Variants in DGKB observed in about 807,000 individuals in gnomAD.
DGKB encodes the protein 90 kDa diacylglycerol kinase.
In DGKB, 67 loss-of-function variants were observed where a neutral mutation model predicts 114.3. That is an observed-to-expected ratio of 0.59 (90% CI 0.48 to 0.72). DGKB has a LOEUF of 0.72. DGKB is among the 30% of genes least tolerant of loss of function. The probability of loss-of-function intolerance (pLI) is 0.00; values close to 1 mark genes in which losing one functional copy is unlikely to be tolerated. For synonymous variants in DGKB, 398 were observed against 323.1 expected, an observed-to-expected ratio of 1.23 and a Z score of -2.49; for missense variants, 907 against 975.2, an observed-to-expected ratio of 0.93 and a Z score of 0.93.
At chr7:14,729,497 G>A (rs1830604940) in intron 5 of DGKB, among the ~76,000 whole-genome samples, 2 of 152,114 alleles carry the variant, frequency 1.3e-5, no homozygotes, top group South Asian at 2.1e-4. Context: ...AATACTGAAT[G>A]TCTTACAGTT....
intron 21 of DGKB, among the ~76,000 whole-genome samples, chr7:14,389,442 A>G (rs1401855987): frequency 2.0e-5 from 3 of 152,332 alleles, no homozygotes; most frequent in Non-Finnish European, 4.4e-5. Flanking sequence ...ATGAGATTAT[A>G]GTCCTGACAG....
chr7:14,909,471 T>C (rs1783875264), intron 1 of DGKB, among the ~76,000 whole-genome samples: 1 of 152,110 alleles, frequency 6.6e-6, no homozygotes, highest in Non-Finnish European at 1.5e-5. Flanking sequence ...TGTAGAGTGT[T>C]GTTAAGAAGC....
chr7:14,334,736 A>G (rs899320196), intron 23 of DGKB, among the ~76,000 whole-genome samples: 2 of 152,112 alleles, frequency 1.3e-5, no homozygotes, highest in African/African-American at 4.8e-5. Flanking sequence ...AGTCATTTGT[A>G]CATTAATGTG....
At chr7:14,660,065 G>C (rs928286776) in intron 13 of DGKB, among the ~76,000 whole-genome samples, 9 of 151,300 alleles carry the variant, frequency 5.9e-5, no homozygotes, top group African/African-American at 1.9e-4. Flanking sequence ...AACCAGCCTT[G>C]CATCCCAGGG....
intron 21 of DGKB, among the ~76,000 whole-genome samples, chr7:14,449,931 A>G (rs1224407126): frequency 6.6e-6 from 1 of 152,092 alleles, no homozygotes; most frequent in African/African-American, 2.4e-5. Flanking sequence ...TTAGTTCTTT[A>G]TGAACATATG....
intron 21 of DGKB, among the ~76,000 whole-genome samples, chr7:14,451,103 A>G (rs1460571381): frequency 1.3e-5 from 2 of 152,010 alleles, no homozygotes; most frequent in African/African-American, 4.8e-5. Flanking sequence ...ATCTTCCCCT[A>G]TTGTGACTAT....
At chr7:14,291,354 C>T (rs2128472501) in intron 23 of DGKB, among the ~76,000 whole-genome samples, 1 of 152,192 alleles carries the variant, frequency 6.6e-6, no homozygotes, top group East Asian at 1.9e-4. Flanking sequence ...TAAGCAACTT[C>T]CTTTCTTGCA....
chr7:14,324,073 G>GA (rs1808303480), intron 23 of DGKB, among the ~76,000 whole-genome samples: 1 of 152,120 alleles, frequency 6.6e-6, no homozygotes, highest in South Asian at 2.1e-4. Context: ...TAAGTTGAGG[G>GA]AAAAATATGT....
At chr7:14,199,309 G>A (rs182233438) in intron 23 of DGKB, among the ~76,000 whole-genome samples, 11 of 152,082 alleles carry the variant, frequency 7.2e-5, no homozygotes, top group Admixed American at 6.6e-4. Context: ...AAATATTAAA[G>A]TGGTGGGGGG....
chr7:14,192,051 C>T (rs549808843), intron 23 of DGKB: 53 of 456,976 alleles, frequency 1.2e-4, no homozygotes, highest in African/African-American at 9.6e-4. Context: ...TTCTATGAGA[C>T]AGATAGTCGC....
At chr7:14,190,024 T>C (rs190433625) in intron 23 of DGKB, among the ~76,000 whole-genome samples, 20 of 152,256 alleles carry the variant, frequency 1.3e-4, no homozygotes, top group African/African-American at 4.6e-4. Context: ...AACATTGGAC[T>C]TACACTGCAC....
At chr7:14,910,099 T>C (rs538076335) in intron 1 of DGKB, among the ~76,000 whole-genome samples, 75 of 151,718 alleles carry the variant, frequency 4.9e-4, no homozygotes, top group Non-Finnish European at 9.0e-4. Context: ...TCTCAACTAA[T>C]TGGGACTAGT....
At chr7:14,821,367 T>G (rs1432376087) in intron 2 of DGKB, among the ~76,000 whole-genome samples, 1 of 152,102 alleles carries the variant, frequency 6.6e-6, no homozygotes, top group South Asian at 2.1e-4. Context: ...ATAATTTAAA[T>G]AGGAAATACA....
At chr7:14,695,263 A>G (rs1224921816) in intron 8 of DGKB, among the ~76,000 whole-genome samples, 1 of 152,116 alleles carries the variant, frequency 6.6e-6, no homozygotes, top group Non-Finnish European at 1.5e-5. Flanking sequence ...CATAAGAGAA[A>G]TAAAACAATG....
At chr7:14,312,073 G>A (rs1202912050) in intron 23 of DGKB, among the ~76,000 whole-genome samples, 2 of 151,984 alleles carry the variant, frequency 1.3e-5, no homozygotes, top group African/African-American at 4.8e-5. Flanking sequence ...CCATCAAAAT[G>A]AAAATGCATT....
intron 21 of DGKB, among the ~76,000 whole-genome samples, chr7:14,447,048 A>G (rs6943928): frequency 0.35 from 53,234 of 152,042 alleles, 9,644 homozygotes; most frequent in South Asian, 0.41. Flanking sequence ...TAATTGTAAT[A>G]TCATTATCAT....
At chr7:14,202,200 A>G (rs1216315998) in intron 23 of DGKB, among the ~76,000 whole-genome samples, 1 of 151,950 alleles carries the variant, frequency 6.6e-6, no homozygotes, top group African/African-American at 2.4e-5. Context: ...ATATGCTTAA[A>G]CCATTGTTAA....
chr7:14,341,578 A>T (rs1288261793), intron 22 of DGKB, among the ~76,000 whole-genome samples: 1 of 151,926 alleles, frequency 6.6e-6, no homozygotes, highest in Non-Finnish European at 1.5e-5. Context: ...AACATATAGT[A>T]CTATGGGAGC....
chr7:14,725,585 C>T (rs1007944953), intron 5 of DGKB, among the ~76,000 whole-genome samples: 5 of 151,526 alleles, frequency 3.3e-5, no homozygotes, highest in Non-Finnish European at 5.9e-5. Context: ...TAGGGTCTCA[C>T]TCTCTGATGC....
Sources: gnomAD v4.1 joint callset for allele counts (sites outside exome capture counted in the v4.1 genomes callset) on GRCh38, gnomAD v4.1.1 for gene constraint, MANE v1.5 for transcripts, NCBI Gene and HGNC (gene_info 2026-07-23, HGNC 2026-07-21) for gene names.